The following TBC1D30 variants were observed in gnomAD, a reference collection of about 807,000 sequenced individuals.
The protein encoded by TBC1D30 is TBC1 domain family, member 30.
A neutral mutation model predicts 63.2 loss-of-function variants in TBC1D30; 31 were observed. The observed-to-expected ratio is 0.49, with a 90% confidence interval of 0.37 to 0.66. TBC1D30 has a LOEUF of 0.66. Among genes scored for constraint, TBC1D30 ranks in the 30% least tolerant of loss-of-function variants. The probability of loss-of-function intolerance (pLI) is 0.00; values close to 1 mark genes in which losing one functional copy is unlikely to be tolerated. For synonymous variants in TBC1D30, 307 were observed against 361.5 expected, an observed-to-expected ratio of 0.85 and a Z score of 1.71; for missense variants, 810 against 953.6, an observed-to-expected ratio of 0.85 and a Z score of 1.98.
In TBC1D30 at chr12:64,878,238, G is replaced by C; in HGVS notation, c.*2450G>C. 3.1e-6 allele frequency: 1 copy of C among 318,458 alleles called. No homozygotes were observed. 19.7% of individuals were successfully genotyped at this position (318,458 alleles called of 1,614,324 possible). ...GCATTGTACCAAGTAATCACAATGTGAATTGGTCAATTTATGAGCCTTGCC... is the reference window on the plus strand; with the variant it reads ...GCATTGTACCAAGTAATCACAATGTCAATTGGTCAATTTATGAGCCTTGCC... On this transcript the variant is annotated 3_prime_UTR_variant, in exon 12 of 12. Coordinates refer to ENST00000539867, the MANE Select transcript of TBC1D30 (RefSeq NM_015279.2).
chr12:64,844,857 A>T (rs1469294816), intron 8 of TBC1D30, among the ~76,000 whole-genome samples: 1 of 152,214 alleles, frequency 6.6e-6, no homozygotes, highest in Non-Finnish European at 1.5e-5. Flanking sequence ...ATAAGTGAGA[A>T]CATTCAAAGT....
At chr12:64,827,455 A>G (rs1020941643) in intron 1 of TBC1D30, among the ~76,000 whole-genome samples, 4 of 152,202 alleles carry the variant, frequency 2.6e-5, no homozygotes, top group Non-Finnish European at 5.9e-5. Context: ...TTGAGACTGT[A>G]TCTCTTAAAA....
At chr12:64,784,425 C>T (rs1871445860) in intron 1 of TBC1D30, among the ~76,000 whole-genome samples, 1 of 151,922 alleles carries the variant, frequency 6.6e-6, no homozygotes, top group South Asian at 2.1e-4. Context: ...CTCTAGAGTG[C>T]ATTTCTACTT....
Position 64,830,394 on chromosome 12 carries a change from A to G in TBC1D30, c.300A>G (p.Ala100=), listed in dbSNP as rs61730726. Residue 100 remains alanine, a synonymous_variant, in exon 4 of 12, where the codon GCA becomes GCG. Coordinates refer to ENST00000539867, the MANE Select transcript of TBC1D30 (RefSeq NM_015279.2). ...EWRRKVWLTL[A]DHYLHSIAID... ...TATTTTAGGTTTGGTTGACCTTGGC[A>G]GATCATTATTTGCACAGTATAGCCA... 176,320 of 1,530,114 alleles carry G rather than the reference A, an allele frequency of 0.12. 11,400 individuals carry two copies. Among genetic ancestry groups the G allele is most frequent in the Middle Eastern group, 0.13 (792 of 5,968 alleles). 94.8% of individuals were successfully genotyped at this position (1,530,114 alleles called of 1,614,324 possible). A position where few individuals can be genotyped will look rare whatever the true frequency, so the allele number is the denominator to read the frequency against.
At chr12:64,789,146 A>G (rs73325417) in intron 2 of TBC1D30, among the ~76,000 whole-genome samples, 4,612 of 150,918 alleles carry the variant, frequency 0.031, 259 homozygotes, top group African/African-American at 0.11. Context: ...GATTCTTTGC[A>G]TAAGTGACTT....
At chr12:64,854,742 GC>G (rs1356979056) in intron 8 of TBC1D30, among the ~76,000 whole-genome samples, 1 of 152,130 alleles carries the variant, frequency 6.6e-6, no homozygotes, top group African/African-American at 2.4e-5. Context: ...TGATCCACCT[GC>G]CTTGGCCTCC....
chr12:64,800,435 G>C (rs925721120), intron 2 of TBC1D30, among the ~76,000 whole-genome samples: 1 of 152,178 alleles, frequency 6.6e-6, no homozygotes, highest in East Asian at 1.9e-4. Context: ...GGAGTATTGG[G>C]AGAGGCGAAT....
In TBC1D30 at chr12:64,876,871, G is replaced by T. The variant is rs571840317; in HGVS notation, c.*1083G>T. The T allele has an allele frequency of 4.4e-6, 2 of 456,000 alleles. No individual in the cohort carries two copies. The highest frequency in any genetic ancestry group is 7.0e-5 in the East Asian group (1 of 14,382). The allele number at this position is 456,000 out of a possible 1,614,324, so 28.2% of individuals were successfully genotyped here. On this transcript the variant is annotated 3_prime_UTR_variant, in exon 12 of 12. Coordinates refer to ENST00000539867, the MANE Select transcript of TBC1D30 (RefSeq NM_015279.2). ...CAGCGGGTCAGGGATAGCACCTCTT[G>T]TCTCCACTATGCAGATGGGAACTCT...
chr12:64,801,322 G>GTGTGTGTGCA (rs2136316542), intron 2 of TBC1D30, among the ~76,000 whole-genome samples: 2 of 152,330 alleles, frequency 1.3e-5, no homozygotes, highest in South Asian at 4.1e-4. Flanking sequence ...AAGTTTGTGT[G>GTGTGTGTGCA]TGTGTGTGCA....
intron 2 of TBC1D30, among the ~76,000 whole-genome samples, chr12:64,791,100 C>T (rs971085288): frequency 2.0e-5 from 3 of 152,104 alleles, no homozygotes; most frequent in Non-Finnish European, 2.9e-5. Flanking sequence ...GAATATTATT[C>T]AGCCATAAAA....
At chr12:64,814,662 A>G (rs772087805) in intron 2 of TBC1D30, among the ~76,000 whole-genome samples, 16 of 152,196 alleles carry the variant, frequency 1.1e-4, no homozygotes, top group Non-Finnish European at 1.9e-4. Flanking sequence ...TGTTGTAAGC[A>G]CGGACTAAAG....
At chr12:64,820,173 T>C (rs1717320167), upstream of TBC1D30, among the ~76,000 whole-genome samples, 1 of 152,094 alleles carries the variant, frequency 6.6e-6, no homozygotes, top group South Asian at 2.1e-4. Flanking sequence ...ACAAAAAAAA[T>C]AGCAGCATTA....
intron 2 of TBC1D30, among the ~76,000 whole-genome samples, chr12:64,817,053 CTT>C (rs764608131): frequency 6.6e-6 from 1 of 152,212 alleles, no homozygotes; most frequent in Non-Finnish European, 1.5e-5. Flanking sequence ...GCAGTTCTAA[CTT>C]AGTCCTTTGG....
chr12:64,811,544 G>A (rs1163388465), intron 2 of TBC1D30, among the ~76,000 whole-genome samples: 1 of 152,164 alleles, frequency 6.6e-6, no homozygotes, highest in Non-Finnish European at 1.5e-5. Context: ...TGAGTTACAG[G>A]GTGGGTTGAT....
Position 64,875,178 on chromosome 12 carries a change from C to T in TBC1D30, c.1676C>T (p.Thr559Met), listed in dbSNP as rs959797298. Reference protein sequence around the residue: ...ISPVPYEDLKTKLNSPWRTHI... With the variant: ...ISPVPYEDLKMKLNSPWRTHI... ...CCTGTCCCCTACGAAGACCTTAAGA[C>T]GAAGCTCAACTCCCCGTGGCGAACT... The change falls in exon 12 of 12, where the codon ACG becomes ATG. Residue 559 changes from threonine (T) to methionine (M), a missense_variant. Physicochemically the swap from Thr to Met is moderately conservative, Grantham distance 81 (BLOSUM62 -1). Transcript: ENST00000539867. The T allele has an allele frequency of 6.1e-5, 93 of 1,536,306 alleles. No homozygotes were observed. The highest frequency in any genetic ancestry group is 7.1e-5 in the Non-Finnish European group (81 of 1,146,904).
chr12:64,822,424 T>G (rs1873939242), upstream of TBC1D30, among the ~76,000 whole-genome samples: 1 of 152,144 alleles, frequency 6.6e-6, no homozygotes, highest in Non-Finnish European at 1.5e-5. Context: ...CAAGTGATTG[T>G]CCCACCTTGG....
chr12:64,795,014 A>G (rs145400770), intron 2 of TBC1D30, among the ~76,000 whole-genome samples: 124 of 152,356 alleles, frequency 8.1e-4, no homozygotes, highest in African/African-American at 2.8e-3. Flanking sequence ...TCAAAACTGT[A>G]TTATATTTAG....
At chr12:64,806,239 T>G (rs765245145) in intron 2 of TBC1D30, among the ~76,000 whole-genome samples, 2 of 152,238 alleles carry the variant, frequency 1.3e-5, no homozygotes, top group Non-Finnish European at 2.9e-5. Flanking sequence ...TCAATCTGTA[T>G]TTTACTTGAA....
intron 7 of TBC1D30, among the ~76,000 whole-genome samples, chr12:64,840,030 C>CAAAAAAAAAAAAAAAA: frequency 7.8e-6 from 1 of 127,534 alleles, no homozygotes; most frequent in Non-Finnish European, 1.6e-5. Context: ...AAAAAAAAAT[C>CAAAAAAAAAAAAAAAA]CACCAACTAT....
Sources: gnomAD v4.1 joint callset for allele counts (sites outside exome capture counted in the v4.1 genomes callset) on GRCh38, gnomAD v4.1.1 for gene constraint, MANE v1.5 for transcripts, NCBI Gene and HGNC (gene_info 2026-07-23, HGNC 2026-07-21) for gene names.